NRG1: variants seen among roughly 807,000 people sequenced by gnomAD.
NRG1 encodes the protein pro-neuregulin-1, membrane-bound isoform.
A neutral mutation model predicts 63.8 loss-of-function variants in NRG1; 18 were observed. The ratio of observed to expected loss-of-function variants is 0.28; its 90% CI spans 0.19 to 0.42. The LOEUF is 0.42. Ranked by LOEUF, NRG1 falls within the 10% of genes least tolerant of loss-of-function variation. NRG1 has a pLI of 1.00. For missense variants in NRG1, 762 were observed against 814.7 expected, an observed-to-expected ratio of 0.94 and a Z score of 0.79; for synonymous variants, 302 against 301.3, an observed-to-expected ratio of 1.00 and a Z score of -0.02.
chr8:31,986,157 A>G (rs936698538), intron 1 of NRG1, among the ~76,000 whole-genome samples: 6 of 152,080 alleles, frequency 3.9e-5, no homozygotes, highest in Admixed American at 6.6e-5. Flanking sequence ...AGCCCCTCAT[A>G]ATATGCATTC....
chr8:32,323,564 T>C (rs746609316), intron 1 of NRG1, among the ~76,000 whole-genome samples: 1 of 152,216 alleles, frequency 6.6e-6, no homozygotes, highest in Non-Finnish European at 1.5e-5. Context: ...CCTGCAGGGA[T>C]TGGAGAATTG....
At chr8:31,724,826 A>G (rs1229134764) in intron 1 of NRG1, among the ~76,000 whole-genome samples, 3 of 152,102 alleles carry the variant, frequency 2.0e-5, no homozygotes, top group African/African-American at 4.8e-5. Context: ...ATACAAAACA[A>G]CCTTGTAAAT....
At chr8:32,277,893 T>C (rs1160446518) in intron 1 of NRG1, among the ~76,000 whole-genome samples, 2 of 152,232 alleles carry the variant, frequency 1.3e-5, no homozygotes, top group Non-Finnish European at 2.9e-5. Context: ...CCCACAGCCA[T>C]GCTTTGAAAT....
At chr8:32,750,900 GA>G (rs927445062) in intron 7 of NRG1, among the ~76,000 whole-genome samples, 18 of 148,650 alleles carry the variant, frequency 1.2e-4, no homozygotes, top group African/African-American at 2.5e-4. Flanking sequence ...TTCCCTCAGG[GA>G]AAAAAAAAAT....
chr8:32,456,913 C>A (rs1563489575), intron 1 of NRG1, among the ~76,000 whole-genome samples: 1 of 152,076 alleles, frequency 6.6e-6, no homozygotes, highest in Non-Finnish European at 1.5e-5. Flanking sequence ...GGGTGGATCA[C>A]CTGAGATCAT....
intron 1 of NRG1, among the ~76,000 whole-genome samples, chr8:32,300,129 G>T (rs1199352402): frequency 3.3e-5 from 5 of 151,958 alleles, no homozygotes; most frequent in African/African-American, 1.2e-4. Context: ...ATTTCACCCA[G>T]AACCCTCATG....
chr8:31,964,249 A>G (rs1805951970), intron 1 of NRG1, among the ~76,000 whole-genome samples: 1 of 152,222 alleles, frequency 6.6e-6, no homozygotes, highest in Admixed American at 6.5e-5. Context: ...ACAGACAGCT[A>G]GTGCCAGTAA....
chr8:31,841,933 G>C lies in NRG1; in HGVS notation c.37+202502G>C, dbSNP rs867240882. Among the ~76,000 whole-genome samples the C allele has an allele frequency of 3.9e-5, 6 of 152,304 alleles. No individual in the cohort carries two copies. The Middle Eastern group carries it at 0.02, about 518-fold the overall frequency. On this transcript the variant is annotated intron_variant, in intron 1 of 10. Coordinates refer to the NRG1 transcript ENST00000519301. ...AGAATGTTCTCCATGTTCTCCTGCA[G>C]AAGCTTCTCTGGGAGCCCCAATATG...
At chr8:31,774,414 T>G (rs1193020704) in intron 1 of NRG1, among the ~76,000 whole-genome samples, 1 of 152,204 alleles carries the variant, frequency 6.6e-6, no homozygotes, top group Non-Finnish European at 1.5e-5. Context: ...GAGTGTAACC[T>G]TCTTGAGAGC....
At chr8:31,755,028 G>T (rs1361262541) in intron 1 of NRG1, among the ~76,000 whole-genome samples, 1 of 152,042 alleles carries the variant, frequency 6.6e-6, no homozygotes, top group Non-Finnish European at 1.5e-5. Flanking sequence ...AGTGGGCACT[G>T]CTAGTTTTGT....
intron 5 of NRG1, among the ~76,000 whole-genome samples, chr8:32,678,041 A>G (rs527378570): frequency 2.0e-4 from 30 of 152,258 alleles, no homozygotes; most frequent in South Asian, 1.0e-3. Context: ...TTTTTCTACA[A>G]TGGTTTTTGA....
chr8:32,172,859 T>A (rs1230516020), intron 1 of NRG1, among the ~76,000 whole-genome samples: 2 of 152,138 alleles, frequency 1.3e-5, no homozygotes, highest in East Asian at 3.9e-4. Flanking sequence ...CAAATCTACA[T>A]CTGATTGGTG....
At chr8:32,756,433 T>C (rs1394543292) in exon 9 of NRG1, 1 of 1,613,758 alleles carries the variant, frequency 6.2e-7, no homozygotes, top group Non-Finnish European at 8.5e-7. Flanking sequence ...ATGACCGTCT[T>C]CGGCAGAGCC....
chr8:32,044,943 A>G (rs2130734628), intron 1 of NRG1, among the ~76,000 whole-genome samples: 1 of 144,114 alleles, frequency 6.9e-6, no homozygotes, highest in Middle Eastern at 3.6e-3. Flanking sequence ...ACACACACAC[A>G]AAGCAATCAG....
intron 1 of NRG1, among the ~76,000 whole-genome samples, chr8:31,713,385 G>A (rs1356506212): frequency 6.6e-6 from 1 of 151,996 alleles, no homozygotes; most frequent in African/African-American, 2.4e-5. Flanking sequence ...CAAAGTGCTG[G>A]GATTACAGGT....
At chr8:32,340,074 C>T (rs934273403) in intron 1 of NRG1, among the ~76,000 whole-genome samples, 1 of 151,954 alleles carries the variant, frequency 6.6e-6, no homozygotes, top group Non-Finnish European at 1.5e-5. Flanking sequence ...TGCCATAGAA[C>T]TAGATATGTG....
chr8:31,782,840 G>A (rs182643982), intron 1 of NRG1, among the ~76,000 whole-genome samples: 3 of 152,278 alleles, frequency 2.0e-5, no homozygotes, highest in Admixed American at 2.0e-4. Flanking sequence ...GCTCACATAC[G>A]ATGCGGATGT....
At chr8:32,622,369 TCTCTC>T (rs144995144) in intron 5 of NRG1, among the ~76,000 whole-genome samples, 78 of 152,018 alleles carry the variant, frequency 5.1e-4, no homozygotes, top group Non-Finnish European at 2.1e-4. Flanking sequence ...CTCAGTTTCA[TCTCTC>T]CTCTCCTCTC....
chr8:32,549,190 G>A (rs923116051), intron 1 of NRG1, among the ~76,000 whole-genome samples: 1 of 152,244 alleles, frequency 6.6e-6, no homozygotes, highest in African/African-American at 2.4e-5. Flanking sequence ...GTGCGCGCGT[G>A]CCCCGCGCCA....
Sources: allele counts gnomAD v4.1 joint callset (sites outside exome capture counted in the v4.1 genomes callset), GRCh38; gene constraint gnomAD v4.1.1; transcripts MANE v1.5; gene names NCBI Gene and HGNC (gene_info 2026-07-23, HGNC 2026-07-21).